Variants in ATP11A observed in about 807,000 individuals in gnomAD.
ATP11A encodes ATPase phospholipid transporting 11A.
In ATP11A, 81 loss-of-function variants were observed where a neutral mutation model predicts 154.4. The observed-to-expected ratio is 0.52, with a 90% CI of 0.44 to 0.63. ATP11A has a LOEUF of 0.63. Among genes scored for constraint, ATP11A ranks in the 30% least tolerant of loss-of-function variants. The pLI, the probability that ATP11A is intolerant of heterozygous loss-of-function variation, is 0.00. For missense variants in ATP11A, 1,316 were observed against 1,474.3 expected (o/e 0.89, Z 1.76); for synonymous variants, 623 against 585.9 (o/e 1.06, Z -0.91).
chr13:112,844,707 C>G (rs1009202315), intron 17 of ATP11A, among the ~76,000 whole-genome samples: 4 of 147,318 alleles, frequency 2.7e-5, no homozygotes, highest in African/African-American at 1.1e-4. Context: ...ACTAGCGGTA[C>G]TAGTTCAGCG....
chr13:112,700,141 GAAA>G (rs965062606), intron 1 of ATP11A, among the ~76,000 whole-genome samples: 2 of 150,808 alleles, frequency 1.3e-5, no homozygotes, highest in Non-Finnish European at 2.9e-5. Flanking sequence ...TGTTACATGT[GAAA>G]AAAACGATTT....
intron 2 of ATP11A, among the ~76,000 whole-genome samples, chr13:112,787,806 A>G (rs2077692180): frequency 1.4e-5 from 2 of 139,482 alleles, no homozygotes. Flanking sequence ...ACCCCTGTGG[A>G]GACCTACTTA....
intron 2 of ATP11A, among the ~76,000 whole-genome samples, chr13:112,790,643 G>T (rs377368927): frequency 6.7e-6 from 1 of 150,224 alleles, no homozygotes; most frequent in Non-Finnish European, 1.5e-5. Context: ...CACACCGGGT[G>T]TCCTGATGTG....
At chr13:112,817,031 T>G (rs1477560229) in intron 6 of ATP11A, among the ~76,000 whole-genome samples, 1 of 152,236 alleles carries the variant, frequency 6.6e-6, no homozygotes, top group African/African-American at 2.4e-5. Flanking sequence ...CATAAGTAAT[T>G]TCCTGCACTC....
intron 1 of ATP11A, among the ~76,000 whole-genome samples, chr13:112,758,182 C>T (rs1297009823): frequency 6.6e-6 from 1 of 152,124 alleles, no homozygotes. Context: ...CTGCCTCAAC[C>T]TCCCAACTAG....
chr13:112,742,529 C>G (rs1891673094), intron 1 of ATP11A, among the ~76,000 whole-genome samples: 1 of 152,156 alleles, frequency 6.6e-6, no homozygotes. Context: ...ACTGGACGAC[C>G]AAAAGTGAGA....
chr13:112,838,245 C>T lies in ATP11A; in HGVS notation c.1705+1994C>T, dbSNP rs1296304502. On this transcript the variant is annotated intron_variant, in intron 16 of 29. Transcript: ENST00000375645. This position sits in a 1 kb window ranked among gnomAD's most constrained non-coding sequence, Gnocchi z 7.3. ...CGCAGTCCTGAGAGTCTCAGCCACTCGGAGTTATCTGGGATAAACGCATCC... is the reference window on the plus strand; with the variant it reads ...CGCAGTCCTGAGAGTCTCAGCCACTTGGAGTTATCTGGGATAAACGCATCC... Among the ~76,000 whole-genome samples, 5 of 152,318 alleles carry T rather than the reference C, an allele frequency of 3.3e-5. No individual in the cohort carries two copies. The highest frequency in any genetic ancestry group is 2.0e-4 in the Admixed American group (3 of 15,304).
intron 1 of ATP11A, among the ~76,000 whole-genome samples, chr13:112,705,540 G>A (rs1473993812): frequency 6.6e-6 from 1 of 152,202 alleles, no homozygotes; most frequent in African/African-American, 2.4e-5. Context: ...GGAGGCGCCA[G>A]GGACAAAATG....
intron 7 of ATP11A, 26 bp downstream of exon 7, chr13:112,819,433 G>T (rs370429053): frequency 1.2e-6 from 2 of 1,610,278 alleles, no homozygotes; most frequent in African/African-American, 2.7e-5. Context: ...GGGTTCTTTA[G>T]AAACGGTTTT....
At chr13:112,865,797 C>T (rs4907548) in intron 25 of ATP11A, among the ~76,000 whole-genome samples, 79,382 of 152,104 alleles carry the variant, frequency 0.52, 22,423 homozygotes, top group East Asian at 0.66. Context: ...GTGATCTGCC[C>T]GCCTTGGCCT....
intron 1 of ATP11A, among the ~76,000 whole-genome samples, chr13:112,709,765 T>C (rs1005939863): frequency 4.6e-5 from 7 of 152,246 alleles, no homozygotes; most frequent in Non-Finnish European, 1.5e-5. Flanking sequence ...AAAACCAAGC[T>C]GCGCCCGACC....
chr13:112,762,031 C>T (rs1295510564), intron 1 of ATP11A, among the ~76,000 whole-genome samples: 2 of 152,146 alleles, frequency 1.3e-5, no homozygotes, highest in African/African-American at 4.8e-5. Flanking sequence ...GAGTTCGTGA[C>T]CTCGATGGAA....
intron 1 of ATP11A, among the ~76,000 whole-genome samples, chr13:112,752,237 G>A (rs547024362): frequency 4.6e-5 from 7 of 152,364 alleles, no homozygotes; most frequent in African/African-American, 1.7e-4. Context: ...CGGCGGCTGT[G>A]TCAGGTGGGG....
chr13:112,711,671 G>T (rs921300519), intron 1 of ATP11A, among the ~76,000 whole-genome samples: 2 of 152,232 alleles, frequency 1.3e-5, no homozygotes, highest in African/African-American at 4.8e-5. Context: ...CAGGGCTTTG[G>T]ACCGGGCAAG....
intron 25 of ATP11A, among the ~76,000 whole-genome samples, chr13:112,865,322 G>A (rs28407005): frequency 0.058 from 2,377 of 41,338 alleles, 8 homozygotes; most frequent in Admixed American, 0.077. Flanking sequence ...AGTGCAGCCC[G>A]TGCAGCTTCC....
intron 3 of ATP11A, 137 bp downstream of exon 3, chr13:112,805,183 C>A: frequency 9.9e-6 from 6 of 605,672 alleles, no homozygotes; most frequent in East Asian, 6.3e-5. Context: ...TATTTATTTT[C>A]TTAAGGAAGG....
intron 29 of ATP11A, chr13:112,881,444 C>T (rs937782987): frequency 7.8e-5 from 83 of 1,063,680 alleles, no homozygotes; most frequent in Non-Finnish European, 9.3e-5. Context: ...CTCTGGGTAC[C>T]GGTATGGCGT....
rs59022551 is a variant in ATP11A, at chr13:112,851,283, G to T, written c.1991+65G>T. On this transcript the variant is annotated intron_variant, in intron 18 of 29. Transcript: ENST00000375645. ...GGGATGCAGGCCGACGGCCCAGGGC[G>T]TGTGAGGGCGAGTGGACGGGAGGGA... The T allele has an allele frequency of 1.5e-3, 2,338 of 1,532,468 alleles. 36 individuals carry two copies. The African/African-American group carries it at 0.029, about 19-fold the overall frequency. 94.9% of individuals were successfully genotyped at this position (1,532,468 alleles called of 1,614,324 possible).
chr13:112,772,080 C>G (rs77555278), intron 1 of ATP11A, among the ~76,000 whole-genome samples: 4,127 of 152,290 alleles, frequency 0.027, 189 homozygotes, highest in African/African-American at 0.093. Flanking sequence ...GTGTCCTTAC[C>G]TGGTTGGATA....
Sources: allele counts gnomAD v4.1 joint callset (sites outside exome capture counted in the v4.1 genomes callset), GRCh38; gene constraint gnomAD v4.1.1; non-coding constraint Gnocchi (gnomAD v3.1); transcripts MANE v1.5; gene names NCBI Gene and HGNC (gene_info 2026-07-23, HGNC 2026-07-21).